Variants in CAVIN1 observed in about 807,000 individuals in gnomAD.
CAVIN1 encodes the protein caveolae associated protein 1.
Under a neutral mutation model 24.0 loss-of-function variants are expected in CAVIN1, and 16 were observed. That is an observed-to-expected ratio of 0.67 (90% confidence interval 0.45 to 1.01). The LOEUF (loss-of-function observed/expected upper bound fraction) is 1.01, where lower values mean the gene tolerates loss of function less well. CAVIN1 is among the 50% of genes least tolerant of loss of function. CAVIN1 has a pLI of 0.00. For synonymous variants in CAVIN1, 256 were observed against 256.4 expected, an observed-to-expected ratio of 1.00 and a Z score of 0.02; for missense variants, 510 against 551.7, an observed-to-expected ratio of 0.92 and a Z score of 0.76.
At position 42,413,566 on chromosome 17, in the gene CAVIN1, G is replaced by GAAAAAAAAAA. The variant is rs60085741; in HGVS notation, c.472-8188_472-8179dup. 9.0e-4 allele frequency among the ~76,000 whole-genome samples: 51 copies of GAAAAAAAAAA among 56,962 alleles called. 1 individual carries two copies. Among genetic ancestry groups the GAAAAAAAAAA allele is most frequent in the East Asian group, 4.2e-3 (6 of 1,430 alleles). 37.4% of individuals were successfully genotyped at this position (56,962 alleles called of 152,430 possible). ...AGAGCAAAAGTCTGTCTCAAAAAGG[G>GAAAAAAAAAA]AAAAAAAAAAAAAAAAAAAAAAAAA... On this transcript the variant is annotated intron_variant, in intron 1 of 1. Transcript: ENST00000357037.
intron 1 of CAVIN1, among the ~76,000 whole-genome samples, chr17:42,405,622 A>G (rs1314131860): frequency 6.7e-6 from 1 of 150,040 alleles, no homozygotes; most frequent in East Asian, 1.9e-4. Context: ...CCTGGGCAAC[A>G]TATCACCCAT....
intron 1 of CAVIN1, among the ~76,000 whole-genome samples, chr17:42,414,481 T>C (rs1348110167): frequency 6.6e-6 from 1 of 151,994 alleles, no homozygotes; most frequent in East Asian, 1.9e-4. Context: ...TCAAGCAATC[T>C]TCCTGCCTCA....
chr17:42,409,781 A>G (rs937863613), intron 1 of CAVIN1, among the ~76,000 whole-genome samples: 5 of 151,510 alleles, frequency 3.3e-5, no homozygotes, highest in African/African-American at 4.9e-5. Flanking sequence ...TCCCACCCCT[A>G]CTTCTCTGGC....
intron 1 of CAVIN1, among the ~76,000 whole-genome samples, chr17:42,414,693 G>A (rs890915084): frequency 1.3e-5 from 2 of 152,060 alleles, no homozygotes; most frequent in African/African-American, 2.4e-5. Flanking sequence ...GACACTTGGC[G>A]GCACTATTGG....
intron 1 of CAVIN1, among the ~76,000 whole-genome samples, chr17:42,421,266 T>C (rs1486013786): frequency 6.6e-6 from 1 of 152,036 alleles, no homozygotes; most frequent in Non-Finnish European, 1.5e-5. Flanking sequence ...TAACTCCTCC[T>C]GGGGAAACCA....
chr17:42,402,899 G>C lies in CAVIN1; in HGVS notation c.*1788C>G, dbSNP rs11546699. 6,026 of 152,202 alleles carry C rather than the reference G, an allele frequency of 0.04. 137 individuals are homozygous for C. The highest frequency in any genetic ancestry group is 0.065 in the South Asian group (312 of 4,812). 9.4% of individuals were successfully genotyped at this position (152,202 alleles called of 1,614,324 possible). On this transcript the variant is annotated 3_prime_UTR_variant, in exon 2 of 2. Transcript: ENST00000357037. Reference sequence around the variant, plus strand: ...TTAATGGGGAGGAACAAGGGGACTCGTGTCTTGAGAACCTGGTCGTGTCTT... The same window carrying C: ...TTAATGGGGAGGAACAAGGGGACTCCTGTCTTGAGAACCTGGTCGTGTCTT...
chr17:42,402,843 A>C lies in CAVIN1; in HGVS notation c.*1844T>G, dbSNP rs2085420253. The C allele has an allele frequency of 1.3e-5, 2 of 152,156 alleles. No homozygotes were observed. The allele number at this position is 152,156 out of a possible 1,614,324, so 9.4% of individuals were successfully genotyped here. A position where few individuals can be genotyped will look rare whatever the true frequency, so the allele number is the denominator to read the frequency against. On this transcript the variant is annotated 3_prime_UTR_variant, in exon 2 of 2. Transcript: ENST00000357037. ...CTCCCTTCAGGCTGTGACTGGGGAG[A>C]GGGGCTGTTCTTGCTTCTGACAAAC... is the stretch of plus-strand genomic sequence containing the variant.
chr17:42,408,578 G>A (rs2085458901), intron 1 of CAVIN1, among the ~76,000 whole-genome samples: 1 of 151,964 alleles, frequency 6.6e-6, no homozygotes, highest in Non-Finnish European at 1.5e-5. Flanking sequence ...CGCAACATCC[G>A]CCTCCTAGGT....
chr17:42,420,411 C>T (rs2085538460), intron 1 of CAVIN1, among the ~76,000 whole-genome samples: 2 of 152,236 alleles, frequency 1.3e-5, no homozygotes, highest in Middle Eastern at 3.2e-3. Context: ...TGCTCTGCAG[C>T]TCAGGGAAGT....
intron 1 of CAVIN1, 123 bp from the exon 2 acceptor site, chr17:42,405,511 T>C: frequency 3.1e-6 from 3 of 980,986 alleles, no homozygotes; most frequent in East Asian, 2.4e-5. Context: ...CCCAGGAAAC[T>C]GGCGGGCGCT....
chr17:42,422,869 C>T lies in CAVIN1; in HGVS notation c.229G>A (p.Glu77Lys), dbSNP rs908826930. 3 of 1,614,130 alleles carry T rather than the reference C, an allele frequency of 1.9e-6. No individual in the cohort carries two copies. The Admixed American group carries it at 5.0e-5, about 27-fold the overall frequency. Residue 77 changes from glutamate to lysine, a missense_variant, in exon 1 of 2, where the codon GAG (glutamate) becomes AAG (lysine). Glu to Lys is a moderately conservative substitution (Grantham distance 56). Transcript: ENST00000357037. ...GCGCCCTCCATCTCCGCCTGCCGCT[C>T]CTCCAGCTGTGCTTGAGTCAGCTGG... ...QIQLTQAQLE[E>K]RQAEMEGAVQ...
intron 1 of CAVIN1, among the ~76,000 whole-genome samples, chr17:42,407,905 C>T (rs573603254): frequency 6.6e-6 from 1 of 152,254 alleles, no homozygotes; most frequent in East Asian, 1.9e-4. Context: ...GGGGCTCCTA[C>T]AATCACCCTT....
chr17:42,408,873 C>A (rs9709260), intron 1 of CAVIN1, among the ~76,000 whole-genome samples: 124,016 of 146,808 alleles, frequency 0.84, 53,335 homozygotes, highest in East Asian at 0.99. Flanking sequence ...TCACTGCAAC[C>A]TCTGCCTCCT....
chr17:42,415,417 G>C (rs551191678), intron 1 of CAVIN1, among the ~76,000 whole-genome samples: 1 of 152,310 alleles, frequency 6.6e-6, no homozygotes, highest in African/African-American at 2.4e-5. Context: ...TCTAGCTCAA[G>C]AAGTGTATAA....
Position 42,422,625 on chromosome 17 carries a change from A to G in CAVIN1, c.471+2T>C. 1 of 1,567,812 alleles carries G rather than the reference A, an allele frequency of 6.4e-7. No individual in the cohort carries two copies. Among genetic ancestry groups the G allele is most frequent in the Non-Finnish European group, 8.6e-7 (1 of 1,156,508 alleles). ...TGGGCGCCTTCCGCCCTGTGGGCTC[A>G]CCTGGTAGATCATGACTTTAAAGTT... On this transcript the variant is annotated splice_donor_variant, in intron 1 of 1. Coordinates refer to ENST00000357037, the MANE Select transcript of CAVIN1 (RefSeq NM_012232.6). LOFTEE classifies it high-confidence loss of function.
At chr17:42,418,552 A>G (rs2085526561) in intron 1 of CAVIN1, among the ~76,000 whole-genome samples, 1 of 151,844 alleles carries the variant, frequency 6.6e-6, no homozygotes, top group Admixed American at 6.6e-5. Flanking sequence ...TTTTATCCCC[A>G]CTTTCTGGAT....
intron 1 of CAVIN1, among the ~76,000 whole-genome samples, chr17:42,415,585 T>C (rs1173792606): frequency 1.3e-5 from 2 of 151,924 alleles, no homozygotes; most frequent in Non-Finnish European, 2.9e-5. Context: ...GTGGTGCATG[T>C]CTGTAGTCCT....
intron 1 of CAVIN1, chr17:42,411,523 C>T: frequency 1.0e-6 from 1 of 985,344 alleles, no homozygotes. Context: ...GCACCCCACC[C>T]AAGGCAGGAT....
At chr17:42,412,817 G>C (rs2085487941) in intron 1 of CAVIN1, among the ~76,000 whole-genome samples, 1 of 151,400 alleles carries the variant, frequency 6.6e-6, no homozygotes, top group South Asian at 2.1e-4. Flanking sequence ...GGGTTTCACT[G>C]TGTTGGCCAG....
Sources: gnomAD v4.1 joint callset for allele counts (sites outside exome capture counted in the v4.1 genomes callset) on GRCh38, gnomAD v4.1.1 for gene constraint, MANE v1.5 for transcripts, NCBI Gene and HGNC (gene_info 2026-07-23, HGNC 2026-07-21) for gene names.